The following MMEL1 variants were observed in gnomAD, a reference collection of about 807,000 sequenced individuals.
MMEL1 encodes membrane metallo-endopeptidase-like 1.
A neutral mutation model predicts 117.1 loss-of-function variants in MMEL1; 98 were observed. The observed-to-expected ratio is 0.84, with a 90% CI of 0.71 to 0.99. The LOEUF (loss-of-function observed/expected upper bound fraction) is 0.99. Ranked by LOEUF, MMEL1 falls within the 50% of genes least tolerant of loss-of-function variation. MMEL1 has a pLI of 0.00. For synonymous variants in MMEL1, 390 were observed against 415.1 expected (o/e 0.94, Z 0.74); for missense variants, 1,014 against 1,049.1 (o/e 0.97, Z 0.46).
intron 23 of MMEL1, 94 bp downstream of exon 23, chr1:2,591,463 G>A (rs548510432): frequency 8.8e-4 from 915 of 1,041,882 alleles, no homozygotes; most frequent in Non-Finnish European, 1.2e-3. Context: ...TGTCTCTGTT[G>A]AGCCACTTTT....
intron 13 of MMEL1, 152 bp from the exon 14 acceptor site, chr1:2,596,841 C>A: frequency 1.2e-6 from 1 of 813,470 alleles, no homozygotes; most frequent in Non-Finnish European, 1.9e-6. Context: ...CTCAGCCTCA[C>A]CTCTGGGTGC....
intron 13 of MMEL1, among the ~76,000 whole-genome samples, chr1:2,597,716 C>T (rs578163992): frequency 6.6e-5 from 10 of 152,196 alleles, no homozygotes; most frequent in Non-Finnish European, 1.5e-4. Context: ...CATATCTGAC[C>T]GCGTCTCTGC....
rs1211758523 is a variant in MMEL1, at chr1:2,594,808, T to C, written c.1670A>G (p.Glu557Gly). Residue 557 changes from glutamate (E) to glycine (G), a missense_variant, in exon 17 of 24, where the codon GAA becomes GGA. Coordinates refer to ENST00000378412, the MANE Select transcript of MMEL1 (RefSeq NM_033467.4). ...GAQRSLRKLR[E>G]KVDPNLWIIG... Reference sequence around the variant, plus strand: ...CACTCACAGATTTGGGTCCACCTTTTCCCGAAGCTTCCTGAGGCTCCGCTG... The same window carrying C: ...CACTCACAGATTTGGGTCCACCTTTCCCCGAAGCTTCCTGAGGCTCCGCTG... The C allele has an allele frequency of 1.9e-6, 3 of 1,613,702 alleles. No homozygotes were observed. The highest frequency in any genetic ancestry group is 2.5e-6 in the Non-Finnish European group (3 of 1,179,942).
rs1241864049 is a variant in MMEL1 at position 2,595,395 on chromosome 1, C to T, written c.1501-36G>A. 3 of 1,595,962 alleles carry T rather than the reference C, an allele frequency of 1.9e-6. No homozygotes were observed. The African/African-American group carries it at 4.0e-5, about 21-fold the overall frequency. ...AGGAGGGACTGGTCAGTGGGTGCCC[C>T]ACTGCGGATGGAGTCAGCCCGGGGG... On this transcript the variant is annotated intron_variant, in intron 15 of 23. Coordinates refer to ENST00000378412, the MANE Select transcript of MMEL1 (RefSeq NM_033467.4). The surrounding 1 kb of genome is among the most constrained non-coding windows in gnomAD (Gnocchi z 4.8).
rs528489781 is a variant in MMEL1, at chr1:2,612,166, A to G, written c.193T>C (p.Leu65=). The change falls in exon 3 of 24, where the codon TTA becomes CTA. Residue 65 remains leucine, a synonymous_variant. Transcript: ENST00000378412. The surrounding 1 kb of genome is among the most constrained non-coding windows in gnomAD (Gnocchi z 5.4). The part of the protein sequence containing the change: ...LPRLASRLCF[L]QEERTFVKRK... Reference sequence around the variant, plus strand: ...TTTACAAAGGTCCTCTCCTCCTGTAAGAAGCACAGCCGGCTAGCAAGGCGT... The same window carrying G: ...TTTACAAAGGTCCTCTCCTCCTGTAGGAAGCACAGCCGGCTAGCAAGGCGT... 32 of 1,582,290 alleles carry G rather than the reference A, an allele frequency of 2.0e-5. No individual in the cohort carries two copies. In the East Asian group the frequency reaches 4.1e-4, roughly 20 times the overall value.
In MMEL1 at chr1:2,606,941, T is replaced by G. The variant is rs374795091; in HGVS notation, c.631+33A>C. On this transcript the variant is annotated intron_variant, in intron 7 of 23. Transcript: ENST00000378412. ...GCCCTGGTCCTGGTCCTCCTTTGTCTGTCTGTGAGGCTGCTGCCAGGCCCG... is the reference window on the plus strand; with the variant it reads ...GCCCTGGTCCTGGTCCTCCTTTGTCGGTCTGTGAGGCTGCTGCCAGGCCCG... 396 of 1,588,192 alleles carry G rather than the reference T, an allele frequency of 2.5e-4. 2 individuals are homozygous for G. In the African/African-American group the frequency reaches 4.6e-3, roughly 19 times the overall value.
intron 2 of MMEL1, among the ~76,000 whole-genome samples, chr1:2,615,123 T>C (rs1008144338): frequency 3.9e-5 from 6 of 152,168 alleles, no homozygotes; most frequent in African/African-American, 1.4e-4. Flanking sequence ...CCAAATACTT[T>C]AGGTAGATAC....
chr1:2,594,806 T>A lies in MMEL1; in HGVS notation c.1672A>T (p.Lys558Ter), dbSNP rs200758088. The A allele has an allele frequency of 1.6e-4, 252 of 1,613,718 alleles. No individual in the cohort carries two copies. Among genetic ancestry groups the A allele is most frequent in the Non-Finnish European group, 2.0e-4 (238 of 1,179,950 alleles). ...AQRSLRKLRE[K>*]VDPNLWIIGA... ...GCCACTCACAGATTTGGGTCCACCT[T>A]TTCCCGAAGCTTCCTGAGGCTCCGC... is the stretch of plus-strand genomic sequence containing the variant. Residue 558 changes from lysine (K) to a stop codon, truncating the protein, a stop_gained, in exon 17 of 24, where the codon AAG becomes TAG. Transcript: ENST00000378412. LOFTEE classifies it high-confidence loss of function.
At chr1:2,598,112 G>A in intron 13 of MMEL1, 95 bp downstream of exon 13, 1 of 1,175,402 alleles carries the variant, frequency 8.5e-7, no homozygotes, top group Non-Finnish European at 1.3e-6. Flanking sequence ...CTGTGACCCT[G>A]GTGTGGACCT....
chr1:2,599,531 G>A (rs1303728199), intron 11 of MMEL1, among the ~76,000 whole-genome samples: 1 of 152,222 alleles, frequency 6.6e-6, no homozygotes, highest in African/African-American at 2.4e-5. Context: ...GATAAAATCT[G>A]CCATCTATTC....
At position 2,591,048 on chromosome 1, in the gene MMEL1, G is replaced by T; in HGVS notation, c.2282C>A (p.Thr761Lys). 1 of 1,606,812 alleles carries T rather than the reference G, an allele frequency of 6.2e-7. No individual in the cohort carries two copies. The highest frequency in any genetic ancestry group is 2.2e-5 in the East Asian group (1 of 44,586). The change falls in exon 24 of 24, where the codon ACG (threonine) becomes AAG (lysine). Residue 761 changes from threonine (T) to lysine (K), a missense_variant. By Grantham distance (78) the Thr-to-Lys change is moderately conservative (BLOSUM62 -1). Coordinates refer to ENST00000378412, the MANE Select transcript of MMEL1 (RefSeq NM_033467.4). The stretch of plus-strand genomic sequence containing the variant: ...GGGGGTGCCCCGGGCACAGTGGAAC[G>T]TGTCTGCGAAGGCGGCCAGGTTCTG... ...SLQNLAAFAD[T>K]FHCARGTPMH...
At chr1:2,594,207 C>G in intron 18 of MMEL1, 178 bp downstream of exon 18, 1 of 821,784 alleles carries the variant, frequency 1.2e-6, no homozygotes, top group South Asian at 1.7e-5. Flanking sequence ...CCTCCCGAAG[C>G]CGCTCATGGG....
chr1:2,630,932 T>C (rs1638544930), intron 1 of MMEL1, among the ~76,000 whole-genome samples: 1 of 151,736 alleles, frequency 6.6e-6, no homozygotes, highest in African/African-American at 2.4e-5. Context: ...CATGATTGTG[T>C]GCGTGGATAT....
intron 6 of MMEL1, among the ~76,000 whole-genome samples, chr1:2,608,587 T>C (rs1645069148): frequency 6.6e-6 from 1 of 151,626 alleles, no homozygotes; most frequent in Non-Finnish European, 1.5e-5. Flanking sequence ...ACAGCACATA[T>C]ATATACAGTA....
rs76092779 is a variant in MMEL1 at position 2,595,098 on chromosome 1, C to T, written c.1584+178G>A. Among the ~76,000 whole-genome samples the T allele has an allele frequency of 3.2e-3, 486 of 152,298 alleles. 2 individuals carry two copies. Among genetic ancestry groups the T allele is most frequent in the African/African-American group, 0.011 (463 of 41,566 alleles). On this transcript the variant is annotated intron_variant, in intron 16 of 23. Coordinates refer to ENST00000378412, the MANE Select transcript of MMEL1 (RefSeq NM_033467.4). The surrounding 1 kb of genome is among the most constrained non-coding windows in gnomAD (Gnocchi z 4.8). ...GCAAGTCCCTCGTCCCTCCAGGCCT[C>T]AGTTTCCCCATCTGTACACTGAGGG...
intron 21 of MMEL1, among the ~76,000 whole-genome samples, 198 bp from the exon 22 acceptor site, chr1:2,592,225 G>T (rs1407162341): frequency 5.3e-5 from 8 of 151,832 alleles, no homozygotes; most frequent in Admixed American, 2.0e-4. Flanking sequence ...GGCCCTCGGG[G>T]GGGGATCCCT....
intron 13 of MMEL1, among the ~76,000 whole-genome samples, chr1:2,597,258 A>G (rs1644857078): frequency 6.6e-6 from 1 of 152,020 alleles, no homozygotes; most frequent in East Asian, 1.9e-4. Context: ...AAAGGGAGGC[A>G]GCCCTTTCTT....
rs185629644 is a variant in MMEL1 at position 2,590,946 on chromosome 1, G to T, written c.*44C>A. The T allele has an allele frequency of 1.4e-5, 20 of 1,414,240 alleles. No homozygotes were observed. The highest frequency in any genetic ancestry group is 2.6e-4 in the Middle Eastern group (1 of 3,920). The allele number at this position is 1,414,240 out of a possible 1,614,324, so 87.6% of individuals were successfully genotyped here. On this transcript the variant is annotated 3_prime_UTR_variant, in exon 24 of 24. Coordinates refer to ENST00000378412, the MANE Select transcript of MMEL1 (RefSeq NM_033467.4). ...GCTGCACCTTCGCACAGATGCCTCC[G>T]AGCAGCGGGTGGGCGTGGGCCGCAC...
chr1:2,619,475 T>G (rs1335420709), intron 2 of MMEL1, among the ~76,000 whole-genome samples: 3 of 152,002 alleles, frequency 2.0e-5, no homozygotes. Flanking sequence ...CTGGCCAACA[T>G]GGTGAAACCC....
Sources: gnomAD v4.1 joint callset for allele counts (sites outside exome capture counted in the v4.1 genomes callset) on GRCh38, gnomAD v4.1.1 for gene constraint, Gnocchi (gnomAD v3.1) non-coding constraint, MANE v1.5 for transcripts, NCBI Gene and HGNC (gene_info 2026-07-23, HGNC 2026-07-21) for gene names.